Variants in MTR observed in about 807,000 individuals in gnomAD.
The protein encoded by MTR is methionine synthase.
In MTR, 84 loss-of-function variants were observed where a neutral mutation model predicts 154.8. The observed-to-expected ratio is 0.54, with a 90% confidence interval of 0.45 to 0.65. MTR has a LOEUF of 0.65. Ranked by LOEUF, MTR falls within the 30% of genes least tolerant of loss-of-function variation. MTR has a pLI of 0.00. For synonymous variants in MTR, 554 were observed against 553.9 expected (o/e 1.00, Z 0.00); for missense variants, 1,275 against 1,570.2 (o/e 0.81, Z 3.18).
chr1:236,842,767 AT>A (rs796949485), intron 15 of MTR, among the ~76,000 whole-genome samples: 2 of 125,366 alleles, frequency 1.6e-5, no homozygotes, highest in Non-Finnish European at 3.2e-5. Context: ...GGAATAACAA[AT>A]TTAAAAAAAA....
chr1:236,795,898 C>T (rs1660353045), intron 1 of MTR, among the ~76,000 whole-genome samples, 161 bp downstream of exon 1: 1 of 152,236 alleles, frequency 6.6e-6, no homozygotes, highest in South Asian at 2.1e-4. Context: ...GCCCGGAGGG[C>T]TACGTGTTTT....
rs780836825 is a variant in MTR at position 236,863,479 on chromosome 1, T to C, written c.2330T>C (p.Leu777Pro). Residue 777 changes from leucine (L) to proline (P), a missense_variant, in exon 22 of 33, where the codon CTG becomes CCG. Physicochemically the swap from Leu to Pro is moderately conservative, Grantham distance 98 (BLOSUM62 -3). Coordinates refer to ENST00000366577, the MANE Select transcript of MTR (RefSeq NM_000254.3). ...GACCCTTACCAGGGCACCATCGTGC[T>C]GGCCACTGTTAAAGGCGACGTGCAC... ...EEDPYQGTIV[L>P]ATVKGDVHDI... 1 of 1,614,106 alleles carries C rather than the reference T, an allele frequency of 6.2e-7. No individual in the cohort carries two copies. The highest frequency in any genetic ancestry group is 8.5e-7 in the Non-Finnish European group (1 of 1,179,974).
In MTR at chr1:236,863,439, TG is replaced by T; in HGVS notation, c.2305-13del. ...AACAACCCTGCCTTGCTGAGCTGCT[TG>T]GCTTCCTTTCCAGGACCCTTACCAG... On this transcript the variant is annotated splice_polypyrimidine_tract_variant and intron_variant, in intron 21 of 32. Coordinates refer to ENST00000366577, the MANE Select transcript of MTR (RefSeq NM_000254.3). The T allele has an allele frequency of 6.2e-7, 1 of 1,612,454 alleles. No homozygotes were observed. Among genetic ancestry groups the T allele is most frequent in the Non-Finnish European group, 8.5e-7 (1 of 1,178,592 alleles).
At chr1:236,883,158 C>G (rs944896764) in intron 25 of MTR, among the ~76,000 whole-genome samples, 2 of 152,108 alleles carry the variant, frequency 1.3e-5, no homozygotes, top group Admixed American at 6.5e-5. Context: ...TCAGTTTACT[C>G]CCTCTTATTG....
chr1:236,828,572 A>G (rs1203450192), intron 11 of MTR, among the ~76,000 whole-genome samples: 1 of 152,196 alleles, frequency 6.6e-6, no homozygotes, highest in Non-Finnish European at 1.5e-5. Context: ...GGTTGATCAA[A>G]GACATGATTT....
intron 27 of MTR, among the ~76,000 whole-genome samples, chr1:236,888,269 C>G (rs1166853141): frequency 6.6e-6 from 1 of 152,168 alleles, no homozygotes; most frequent in Admixed American, 6.5e-5. Flanking sequence ...ACCTTAGACT[C>G]CAGCCTAATC....
chr1:236,805,052 A>G (rs1660901521), intron 2 of MTR, among the ~76,000 whole-genome samples: 1 of 152,076 alleles, frequency 6.6e-6, no homozygotes, highest in African/African-American at 2.4e-5. Context: ...ATGGGTAGAT[A>G]TTTCGGATGT....
At chr1:236,834,273 A>G (rs1303225743) in intron 13 of MTR, among the ~76,000 whole-genome samples, 1 of 152,160 alleles carries the variant, frequency 6.6e-6, no homozygotes, top group Admixed American at 6.5e-5. Context: ...TCCATCTCCC[A>G]GGTTCAAGTG....
At chr1:236,819,151 G>T (rs1661773287) in intron 8 of MTR, among the ~76,000 whole-genome samples, 1 of 152,086 alleles carries the variant, frequency 6.6e-6, no homozygotes, top group Admixed American at 6.5e-5. Context: ...TTCATTCTTG[G>T]TTTTGTATAT....
At chr1:236,826,239 A>G (rs1177334450) in intron 10 of MTR, among the ~76,000 whole-genome samples, 1 of 152,232 alleles carries the variant, frequency 6.6e-6, no homozygotes, top group Non-Finnish European at 1.5e-5. Context: ...ATATTCATTC[A>G]GCTCAGCATG....
At chr1:236,872,134 G>A (rs1462441558) in intron 22 of MTR, among the ~76,000 whole-genome samples, 2 of 152,146 alleles carry the variant, frequency 1.3e-5, no homozygotes, top group African/African-American at 4.8e-5. Context: ...ATGACATTAA[G>A]GTACTCTGTA....
rs1665348307 is a variant in MTR at position 236,874,943 on chromosome 1, A to G, written c.2594+97A>G. On this transcript the variant is annotated intron_variant, in intron 24 of 32. Transcript: ENST00000366577. The stretch of plus-strand genomic sequence containing the variant: ...CCTGTGTTGTTTTGGATTTTCCCTT[A>G]TGTTTAGTACATTGACTTTTTGTTA... 12 of 1,361,488 alleles carry G rather than the reference A, an allele frequency of 8.8e-6. No individual in the cohort carries two copies. The South Asian group carries it at 1.3e-4, about 15-fold the overall frequency. The allele number at this position is 1,361,488 out of a possible 1,614,324, so 84.3% of individuals were successfully genotyped here. A position where few individuals can be genotyped will look rare whatever the true frequency, so the allele number is the denominator to read the frequency against.
At chr1:236,826,956 A>C (rs1662323754) in intron 11 of MTR, 60 bp downstream of exon 11, 9 of 1,465,754 alleles carry the variant, frequency 6.1e-6, no homozygotes, top group Non-Finnish European at 7.6e-6. Context: ...TAATAATCTA[A>C]ATATGTACTT....
rs762702665 is a variant in MTR at position 236,795,379 on chromosome 1, G to A, written c.-325G>A. ...GTCCTCCTCTGCCGGTTTTCTCTTG[G>A]GTCCTTTTCCGTGCCGTCCCGCGAC... On this transcript the variant is annotated 5_prime_UTR_variant, in exon 1 of 33. An upstream open reading frame in the 5' UTR gains an earlier in-frame stop. Coordinates refer to ENST00000366577, the MANE Select transcript of MTR (RefSeq NM_000254.3). The A allele has an allele frequency of 1.7e-5, 24 of 1,395,772 alleles. No individual in the cohort carries two copies. The highest frequency in any genetic ancestry group is 8.6e-5 in the African/African-American group (6 of 69,694). 86.5% of individuals were successfully genotyped at this position (1,395,772 alleles called of 1,614,324 possible).
intron 30 of MTR, 80 bp from the exon 31 acceptor site, chr1:236,895,278 C>T: frequency 6.8e-7 from 1 of 1,475,350 alleles, no homozygotes; most frequent in Non-Finnish European, 9.3e-7. Context: ...CCTCATGGTT[C>T]TAATTCAGGG....
At chr1:236,858,792 A>G (rs1664353470) in intron 18 of MTR, among the ~76,000 whole-genome samples, 1 of 152,136 alleles carries the variant, frequency 6.6e-6, no homozygotes, top group African/African-American at 2.4e-5. Flanking sequence ...GGCAGCTGGT[A>G]CCTCCAGTTG....
intron 27 of MTR, 49 bp downstream of exon 27, chr1:236,886,416 T>C (rs777949740): frequency 1.3e-6 from 2 of 1,564,790 alleles, no homozygotes; most frequent in South Asian, 1.1e-5. Context: ...TAACTGACAG[T>C]GTGCTGAGGA....
chr1:236,845,078 G>A (rs1056754644), intron 15 of MTR, among the ~76,000 whole-genome samples: 1 of 152,154 alleles, frequency 6.6e-6, no homozygotes, highest in Non-Finnish European at 1.5e-5. Flanking sequence ...CCGAGGTGGC[G>A]GCCATTGCAT....
Position 236,835,678 on chromosome 1 carries a change from C to T in MTR, c.1320C>T (p.Asp440=). 1 of 1,612,792 alleles carries T rather than the reference C, an allele frequency of 6.2e-7. No individual in the cohort carries two copies. The highest frequency in any genetic ancestry group is 8.5e-7 in the Non-Finnish European group (1 of 1,179,802). Residue 440 remains aspartate, a synonymous_variant, in exon 14 of 33, where the codon GAC becomes GAT. Coordinates refer to ENST00000366577, the MANE Select transcript of MTR (RefSeq NM_000254.3). The part of the protein sequence containing the change: ...RFCNLIASEP[D]IAKVPLCIDS... ...GCAACTTAATTGCTTCCGAGCCAGA[C>T]ATCGCAAAGGTTATACAAAGTTTAT...
Sources: gnomAD v4.1 joint callset for allele counts (sites outside exome capture counted in the v4.1 genomes callset) on GRCh38, gnomAD v4.1.1 for gene constraint, MANE v1.5 for transcripts, NCBI Gene and HGNC (gene_info 2026-07-23, HGNC 2026-07-21) for gene names.